EPHA3: variants seen among roughly 807,000 people sequenced by gnomAD.
EPHA3 encodes ephrin type-A receptor 3.
Under a neutral mutation model 107.1 loss-of-function variants are expected in EPHA3, and 42 were observed. That is an observed-to-expected ratio of 0.39 (90% confidence interval 0.31 to 0.51). The LOEUF is 0.51. EPHA3 is among the 20% of genes least tolerant of loss of function. The probability of loss-of-function intolerance (pLI) is 0.78; values close to 1 mark genes in which losing one functional copy is unlikely to be tolerated. For synonymous variants in EPHA3, 461 were observed against 424.8 expected (o/e 1.09, Z -1.05); for missense variants, 1,183 against 1,211.2 (o/e 0.98, Z 0.35).
At chr3:89,457,481 G>A (rs1439523750) in intron 15 of EPHA3, among the ~76,000 whole-genome samples, 1 of 152,084 alleles carries the variant, frequency 6.6e-6, no homozygotes, top group African/African-American at 2.4e-5. Flanking sequence ...TAGGTTATGC[G>A]CTCCTCATGA....
At chr3:89,348,313 G>A (rs372038658) in intron 5 of EPHA3, among the ~76,000 whole-genome samples, 10,429 of 139,942 alleles carry the variant, frequency 0.075, 748 homozygotes, top group South Asian at 0.12. Flanking sequence ...GATCTATTCA[G>A]AGATTCAACT....
chr3:89,373,412 G>A (rs185538044), intron 5 of EPHA3, among the ~76,000 whole-genome samples: 1 of 151,772 alleles, frequency 6.6e-6, no homozygotes, highest in South Asian at 2.1e-4. Flanking sequence ...ATATATTTCT[G>A]CATCATTTTC....
chr3:89,468,657 C>T (rs553746227), intron 15 of EPHA3, among the ~76,000 whole-genome samples: 1 of 152,284 alleles, frequency 6.6e-6, no homozygotes, highest in East Asian at 1.9e-4. Flanking sequence ...TTGTCTCATT[C>T]TAGGTTTCAC....
chr3:89,478,768 C>T (rs1228427998), intron 16 of EPHA3, among the ~76,000 whole-genome samples: 1 of 152,126 alleles, frequency 6.6e-6, no homozygotes, highest in East Asian at 1.9e-4. Flanking sequence ...GATAAAACCC[C>T]ACAAAGAATG....
chr3:89,319,737 T>C (rs1404703105), intron 3 of EPHA3, among the ~76,000 whole-genome samples: 1 of 151,952 alleles, frequency 6.6e-6, no homozygotes, highest in African/African-American at 2.4e-5. Flanking sequence ...ACTGATGCCA[T>C]AAAATGTTAA....
At chr3:89,116,157 C>T (rs370667938) in intron 1 of EPHA3, among the ~76,000 whole-genome samples, 1 of 152,236 alleles carries the variant, frequency 6.6e-6, no homozygotes, top group East Asian at 1.9e-4. Flanking sequence ...CACGTTCTTA[C>T]CTCTGTGTTC....
At chr3:89,125,433 G>A (rs1263264434) in intron 1 of EPHA3, among the ~76,000 whole-genome samples, 1 of 151,600 alleles carries the variant, frequency 6.6e-6, no homozygotes, top group Non-Finnish European at 1.5e-5. Context: ...TTTTCTAACA[G>A]TTATCTGAAA....
intron 3 of EPHA3, among the ~76,000 whole-genome samples, chr3:89,240,933 C>T (rs1296227717): frequency 2.0e-5 from 3 of 151,792 alleles, no homozygotes; most frequent in African/African-American, 4.8e-5. Context: ...TAACACAGTA[C>T]ATCTTGAAAA....
rs181242327 is a variant in EPHA3, at chr3:89,447,887, C to A, written c.2347-1338C>A. 9.2e-5 allele frequency among the ~76,000 whole-genome samples: 14 copies of A among 152,234 alleles called. No individual in the cohort carries two copies. The East Asian group carries it at 2.7e-3, about 29-fold the overall frequency. On this transcript the variant is annotated intron_variant, in intron 13 of 16. Transcript: ENST00000336596. Reference sequence around the variant, plus strand: ...TCCATTTGTGTAAAGCACTATATTGCCCCCTTGAGCATCACTTCAAATCCA... The same window carrying A: ...TCCATTTGTGTAAAGCACTATATTGACCCCTTGAGCATCACTTCAAATCCA...
intron 10 of EPHA3, among the ~76,000 whole-genome samples, chr3:89,418,302 ACATT>A (rs1254628123): frequency 6.6e-6 from 1 of 151,406 alleles, no homozygotes; most frequent in African/African-American, 2.4e-5. Context: ...TGAACAAAGG[ACATT>A]CTATAGAACT....
intron 3 of EPHA3, among the ~76,000 whole-genome samples, chr3:89,291,366 A>C (rs1310982674): frequency 6.6e-6 from 1 of 152,142 alleles, no homozygotes; most frequent in Non-Finnish European, 1.5e-5. Flanking sequence ...ATGAGTGTGT[A>C]CTATGGTATG....
At chr3:89,151,575 C>T (rs143676794) in intron 2 of EPHA3, among the ~76,000 whole-genome samples, 102 of 152,066 alleles carry the variant, frequency 6.7e-4, no homozygotes, top group African/African-American at 2.0e-3. Flanking sequence ...CGGGAGATGC[C>T]ACAGCACGTG....
chr3:89,228,900 C>T (rs1011978108), intron 3 of EPHA3, among the ~76,000 whole-genome samples: 1 of 151,852 alleles, frequency 6.6e-6, no homozygotes, highest in Non-Finnish European at 1.5e-5. Flanking sequence ...AGTACATGAG[C>T]TTTTGTGGTT....
At chr3:89,285,372 T>C (rs796384421) in intron 3 of EPHA3, among the ~76,000 whole-genome samples, 5 of 152,214 alleles carry the variant, frequency 3.3e-5, no homozygotes, top group African/African-American at 9.6e-5. Context: ...AATTGGAATA[T>C]AGCATTGAAT....
intron 15 of EPHA3, among the ~76,000 whole-genome samples, chr3:89,455,670 G>A (rs776015920): frequency 2.6e-5 from 4 of 152,112 alleles, no homozygotes; most frequent in Admixed American, 6.5e-5. Context: ...TAACCTCAGT[G>A]GCTACTTCTA....
intron 13 of EPHA3, among the ~76,000 whole-genome samples, chr3:89,442,578 G>A (rs1475545368): frequency 1.3e-5 from 2 of 152,110 alleles, no homozygotes; most frequent in African/African-American, 4.8e-5. Context: ...CAGGACAGCC[G>A]TCACAGCAAA....
intron 15 of EPHA3, among the ~76,000 whole-genome samples, chr3:89,469,958 G>T (rs1400306322): frequency 1.3e-5 from 2 of 152,136 alleles, no homozygotes; most frequent in East Asian, 3.9e-4. Flanking sequence ...AGAAAAATAT[G>T]AAGTTCTAGT....
intron 2 of EPHA3, among the ~76,000 whole-genome samples, chr3:89,169,524 G>T (rs1010699709): frequency 2.0e-5 from 3 of 152,050 alleles, no homozygotes; most frequent in Non-Finnish European, 1.5e-5. Flanking sequence ...ATATCAACTT[G>T]TTTGATAACT....
At chr3:89,315,990 A>C (rs1706889852) in intron 3 of EPHA3, among the ~76,000 whole-genome samples, 1 of 152,022 alleles carries the variant, frequency 6.6e-6, no homozygotes, top group South Asian at 2.1e-4. Flanking sequence ...AGAATGGATG[A>C]ATCATAAAAA....
Sources: gnomAD v4.1 joint callset for allele counts (sites outside exome capture counted in the v4.1 genomes callset) on GRCh38, gnomAD v4.1.1 for gene constraint, MANE v1.5 for transcripts, NCBI Gene and HGNC (gene_info 2026-07-23, HGNC 2026-07-21) for gene names.